Variants in TNFRSF11B observed in about 807,000 individuals in gnomAD.
The protein encoded by TNFRSF11B is tumor necrosis factor receptor superfamily member 11B.
A neutral mutation model predicts 43.4 loss-of-function variants in TNFRSF11B; 16 were observed. The observed-to-expected ratio is 0.37, with a 90% CI of 0.25 to 0.56. TNFRSF11B has a LOEUF of 0.56. TNFRSF11B is among the 20% of genes least tolerant of loss of function. The probability of loss-of-function intolerance (pLI) is 0.80; values close to 1 mark genes in which losing one functional copy is unlikely to be tolerated. For synonymous variants in TNFRSF11B, 185 were observed against 181.8 expected (o/e 1.02, Z -0.14); for missense variants, 444 against 490.1 (o/e 0.91, Z 0.89).
intron 4 of TNFRSF11B, among the ~76,000 whole-genome samples, chr8:118,926,033 A>G (rs1812240299): frequency 6.6e-6 from 1 of 152,226 alleles, no homozygotes; most frequent in South Asian, 2.1e-4. Flanking sequence ...AGGCCATATC[A>G]TGAGGATTAA....
chr8:118,948,480 G>T (rs76832803), intron 1 of TNFRSF11B, among the ~76,000 whole-genome samples: 1 of 152,250 alleles, frequency 6.6e-6, no homozygotes, highest in East Asian at 1.9e-4. Flanking sequence ...AAAAATACCT[G>T]AGTGTGTGTT....
chr8:118,951,365 G>T (rs1812641770), intron 1 of TNFRSF11B, among the ~76,000 whole-genome samples: 1 of 152,084 alleles, frequency 6.6e-6, no homozygotes. Context: ...GAAGACTAAC[G>T]TCTTCTTCCA....
chr8:118,932,709 G>GCATTTGAGAT (rs1424247424), intron 2 of TNFRSF11B, among the ~76,000 whole-genome samples: 1 of 150,404 alleles, frequency 6.6e-6, no homozygotes, highest in Non-Finnish European at 1.5e-5. Context: ...ATAATTTGCT[G>GCATTTGAGAT]CATTTGAGAT....
At chr8:118,939,534 G>A (rs1032128) in intron 1 of TNFRSF11B, among the ~76,000 whole-genome samples, 46,665 of 152,012 alleles carry the variant, frequency 0.31, 7,567 homozygotes, top group East Asian at 0.61. Context: ...TTGGCTGGTT[G>A]CATTGGGAGG....
In TNFRSF11B at chr8:118,932,661, T is replaced by TAA. The variant is rs5894464; in HGVS notation, c.400+268_400+269dup. Among the ~76,000 whole-genome samples the TAA allele has an allele frequency of 3.0e-3, 435 of 144,730 alleles. 1 individual carries two copies. The highest frequency in any genetic ancestry group is 6.0e-3 in the African/African-American group (238 of 39,702). The allele number at this position is 144,730 out of a possible 152,430, so 94.9% of individuals were successfully genotyped here. On this transcript the variant is annotated intron_variant, in intron 2 of 4. Transcript: ENST00000297350. ...ATAGTGCAACTTGAGTTTGTTTCTTTAAAAAAAAAAAAAAACCATCATGCA... is the reference window on the plus strand; with the variant it reads ...ATAGTGCAACTTGAGTTTGTTTCTTTAAAAAAAAAAAAAAAAACCATCATGCA...
chr8:118,943,003 A>C (rs937250292), intron 1 of TNFRSF11B, among the ~76,000 whole-genome samples: 1 of 152,030 alleles, frequency 6.6e-6, no homozygotes, highest in Admixed American at 6.6e-5. Flanking sequence ...CTATCTACTC[A>C]TACTGGTGAA....
At position 118,923,887 on chromosome 8, in the gene TNFRSF11B, A is replaced by G. The variant is rs1421622252; in HGVS notation, c.*487T>C. 6.5e-6 allele frequency: 1 copy of G among 152,806 alleles called. No homozygotes were observed. The highest frequency in any genetic ancestry group is 1.5e-5 in the Non-Finnish European group (1 of 68,200). The allele number at this position is 152,806 out of a possible 1,614,324, so 9.5% of individuals were successfully genotyped here. A position where few individuals can be genotyped will look rare whatever the true frequency, so the allele number is the denominator to read the frequency against. On this transcript the variant is annotated 3_prime_UTR_variant, in exon 5 of 5. Coordinates refer to ENST00000297350, the MANE Select transcript of TNFRSF11B (RefSeq NM_002546.4). Reference sequence around the variant, plus strand: ...ATAATTTTCTTTCTAAAATTAAGTCATACCGTTTCTTTATAGGATGATAAT... The same window carrying G: ...ATAATTTTCTTTCTAAAATTAAGTCGTACCGTTTCTTTATAGGATGATAAT...
intron 3 of TNFRSF11B, among the ~76,000 whole-genome samples, chr8:118,928,012 ATGTGTGTG>A (rs58489703): frequency 4.8e-5 from 7 of 145,164 alleles, no homozygotes; most frequent in East Asian, 2.0e-4. Flanking sequence ...CACATTTCTA[ATGTGTGTG>A]TGTGTGTGTG....
At chr8:118,948,416 G>T (rs1812596442) in intron 1 of TNFRSF11B, among the ~76,000 whole-genome samples, 1 of 152,054 alleles carries the variant, frequency 6.6e-6, no homozygotes, top group African/African-American at 2.4e-5. Context: ...AGCAGTGGGG[G>T]GCTGACGGTT....
chr8:118,939,527 G>A (rs1586958389), intron 1 of TNFRSF11B, among the ~76,000 whole-genome samples: 1 of 152,192 alleles, frequency 6.6e-6, no homozygotes, highest in Non-Finnish European at 1.5e-5. Context: ...TGACGTGTTG[G>A]CTGGTTGCAT....
chr8:118,929,219 A>T, intron 2 of TNFRSF11B: 1 of 460,666 alleles, frequency 2.2e-6, no homozygotes, highest in Non-Finnish European at 4.0e-6. Flanking sequence ...GGTGTTCATT[A>T]GTCCAGCCTC....
At chr8:118,939,627 C>G (rs1812451757) in intron 1 of TNFRSF11B, among the ~76,000 whole-genome samples, 4 of 152,156 alleles carry the variant, frequency 2.6e-5, no homozygotes, top group African/African-American at 4.8e-5. Context: ...TTACTGACAG[C>G]AGGAAGAGCC....
At chr8:118,932,795 T>C in intron 2 of TNFRSF11B, 136 bp downstream of exon 2, 1 of 1,111,650 alleles carries the variant, frequency 9.0e-7, no homozygotes, top group Non-Finnish European at 1.3e-6. Context: ...AGACACATAG[T>C]ACCTACCTGG....
intron 1 of TNFRSF11B, among the ~76,000 whole-genome samples, chr8:118,942,590 T>C (rs1011645475): frequency 4.6e-5 from 7 of 152,140 alleles, no homozygotes; most frequent in African/African-American, 1.7e-4. Context: ...TAGCTTAGTA[T>C]ACTCTATTAT....
At chr8:118,926,375 A>G (rs1331677566) in intron 4 of TNFRSF11B, 119 bp downstream of exon 4, 8 of 988,118 alleles carry the variant, frequency 8.1e-6, no homozygotes, top group South Asian at 5.8e-5. Flanking sequence ...CAGTCCAACA[A>G]TGATTCCAAC....
intron 3 of TNFRSF11B, 89 bp downstream of exon 3, chr8:118,928,649 C>G: frequency 2.8e-6 from 4 of 1,427,404 alleles, no homozygotes; most frequent in Non-Finnish European, 3.9e-6. Context: ...TAAGTTTGAC[C>G]AAGAATGTGG....
At chr8:118,930,696 G>A in intron 2 of TNFRSF11B, 1 of 441,968 alleles carries the variant, frequency 2.3e-6, no homozygotes, top group Non-Finnish European at 4.6e-6. Context: ...ACAGATGTGA[G>A]CCACCGTGCC....
chr8:118,936,340 G>A (rs1327935426), intron 1 of TNFRSF11B, among the ~76,000 whole-genome samples: 1 of 152,126 alleles, frequency 6.6e-6, no homozygotes, highest in Non-Finnish European at 1.5e-5. Flanking sequence ...GTTCAATTGG[G>A]CCTCTGTTTT....
chr8:118,946,750 C>G (rs565212108), intron 1 of TNFRSF11B, among the ~76,000 whole-genome samples: 15 of 152,272 alleles, frequency 9.9e-5, no homozygotes, highest in South Asian at 6.2e-4. Context: ...AAAATCTTCT[C>G]TAGGCTGTTG....
Sources: allele counts gnomAD v4.1 joint callset (sites outside exome capture counted in the v4.1 genomes callset), GRCh38; gene constraint gnomAD v4.1.1; transcripts MANE v1.5; gene names NCBI Gene and HGNC (gene_info 2026-07-23, HGNC 2026-07-21).